PDE7A: variants seen among roughly 807,000 people sequenced by gnomAD.
PDE7A encodes high affinity 3',5'-cyclic-AMP phosphodiesterase 7A.
A neutral mutation model predicts 64.3 loss-of-function variants in PDE7A; 39 were observed. The observed-to-expected ratio is 0.61, with a 90% CI of 0.47 to 0.79. The LOEUF is 0.79. PDE7A is among the 30% of genes least tolerant of loss of function. PDE7A has a pLI of 0.00. For missense variants in PDE7A, 470 were observed against 582.8 expected, an observed-to-expected ratio of 0.81 and a Z score of 1.99; for synonymous variants, 203 against 206.8, an observed-to-expected ratio of 0.98 and a Z score of 0.16.
chr8:65,733,297 G>T (rs1398784021), intron 7 of PDE7A, among the ~76,000 whole-genome samples: 1 of 152,286 alleles, frequency 6.6e-6, no homozygotes, highest in Non-Finnish European at 1.5e-5. Flanking sequence ...GAGGGAGATG[G>T]GAGTGCAGAA....
intron 1 of PDE7A, among the ~76,000 whole-genome samples, chr8:65,823,475 G>A (rs1312908603): frequency 6.6e-6 from 1 of 151,838 alleles, no homozygotes; most frequent in Non-Finnish European, 1.5e-5. Flanking sequence ...TGTCTAAATG[G>A]GTCTTATTTT....
At chr8:65,725,698 T>A (rs373884157) in intron 9 of PDE7A, 1 of 151,488 alleles carries the variant, frequency 6.6e-6, no homozygotes, top group Admixed American at 6.6e-5. Flanking sequence ...CAATATTGAA[T>A]GTTAAAACAA....
chr8:65,737,079 G>A (rs1015791843), intron 6 of PDE7A, among the ~76,000 whole-genome samples: 1 of 151,864 alleles, frequency 6.6e-6, no homozygotes, highest in African/African-American at 2.4e-5. Context: ...CTGCATTCCA[G>A]CCTTAGCAAT....
intron 1 of PDE7A, among the ~76,000 whole-genome samples, chr8:65,801,169 C>T (rs906399309): frequency 1.2e-4 from 19 of 152,036 alleles, no homozygotes; most frequent in African/African-American, 2.9e-4. Context: ...AAAAAACACA[C>T]CAAAACAAAA....
chr8:65,782,320 T>C (rs1166870704), intron 2 of PDE7A, among the ~76,000 whole-genome samples: 2 of 152,162 alleles, frequency 1.3e-5, no homozygotes, highest in Admixed American at 6.5e-5. Flanking sequence ...CCTTGCGGAA[T>C]TGACTAATAT....
Position 65,758,656 on chromosome 8 carries a change from T to A in PDE7A, c.284-10853A>T, listed in dbSNP as rs116172334. ...TTTCAATTGCCATTTCTACTTATCTTTCAAACTATACTCTGAAGAGGTTAT... is the reference window on the plus strand; with the variant it reads ...TTTCAATTGCCATTTCTACTTATCTATCAAACTATACTCTGAAGAGGTTAT... On this transcript the variant is annotated intron_variant, in intron 3 of 12. Transcript: ENST00000401827. Among the ~76,000 whole-genome samples the A allele has an allele frequency of 6.2e-3, 939 of 152,342 alleles. 9 individuals carry two copies. Among genetic ancestry groups the A allele is most frequent in the African/African-American group, 0.022 (906 of 41,560 alleles).
At position 65,838,781 on chromosome 8, in the gene PDE7A, C is replaced by G. The variant is rs956430065; in HGVS notation, c.138+2590G>C. 4.6e-5 allele frequency: 7 copies of G among 152,196 alleles called. No individual in the cohort carries two copies. The South Asian group carries it at 1.2e-3, about 27-fold the overall frequency. 9.4% of individuals were successfully genotyped at this position (152,196 alleles called of 1,614,324 possible). Reference sequence around the variant, plus strand: ...GGCTTTTGGTGTGTCTGCTGTCAACCTTTGCTGCTGTCAGTGTGAACTGAC... The same window carrying G: ...GGCTTTTGGTGTGTCTGCTGTCAACGTTTGCTGCTGTCAGTGTGAACTGAC... On this transcript the variant is annotated intron_variant, in intron 1 of 12. Coordinates refer to ENST00000401827, the MANE Select transcript of PDE7A (RefSeq NM_001242318.3).
intron 1 of PDE7A, among the ~76,000 whole-genome samples, chr8:65,825,359 G>A (rs1297971419): frequency 1.3e-5 from 2 of 152,036 alleles, no homozygotes; most frequent in Non-Finnish European, 2.9e-5. Context: ...CTATTCCAAT[G>A]GACAGGGCTC....
chr8:65,787,112 T>C (rs995109117), intron 1 of PDE7A, among the ~76,000 whole-genome samples: 3 of 152,256 alleles, frequency 2.0e-5, no homozygotes, highest in Non-Finnish European at 2.9e-5. Flanking sequence ...GTCATTGTTT[T>C]TATTTTGTTC....
intron 3 of PDE7A, among the ~76,000 whole-genome samples, chr8:65,755,166 G>A (rs1198397654): frequency 1.3e-5 from 2 of 149,672 alleles, no homozygotes; most frequent in Admixed American, 1.3e-4. Context: ...GACTATAGGT[G>A]CATGCCACCA....
intron 1 of PDE7A, among the ~76,000 whole-genome samples, chr8:65,791,258 T>C (rs922606937): frequency 3.3e-5 from 5 of 152,228 alleles, no homozygotes; most frequent in African/African-American, 1.2e-4. Flanking sequence ...GTGCTTGAAG[T>C]TCAGAGCCTA....
At chr8:65,835,528 C>T (rs1021043819) in intron 1 of PDE7A, among the ~76,000 whole-genome samples, 43 of 152,146 alleles carry the variant, frequency 2.8e-4, no homozygotes, top group African/African-American at 9.2e-4. Flanking sequence ...TCTTCTTTTC[C>T]CAAACTTGCC....
Position 65,747,659 on chromosome 8 carries a change from T to C in PDE7A, c.428A>G (p.Gln143Arg). 3 of 1,604,656 alleles carry C rather than the reference T, an allele frequency of 1.9e-6. No individual in the cohort carries two copies. The highest frequency in any genetic ancestry group is 2.6e-6 in the Non-Finnish European group (3 of 1,174,142). ...TAAAAAAACTATACACACCTTGGCT[T>C]GTCCATTATAATCATCATCTAAAAT... ...LNILDDDYNG[Q>R]AKCMLEKVGN... Residue 143 changes from glutamine (Q) to arginine (R), a missense_variant, in exon 4 of 13, where the codon CAA becomes CGA. Gln to Arg is a conservative substitution (Grantham distance 43). Transcript: ENST00000401827.
chr8:65,754,635 G>A (rs955768550), intron 3 of PDE7A, among the ~76,000 whole-genome samples: 37 of 147,530 alleles, frequency 2.5e-4, no homozygotes, highest in African/African-American at 8.2e-4. Context: ...ATGCCCAGCC[G>A]TTATTTGTCT....
intron 1 of PDE7A, chr8:65,789,085 A>G: frequency 7.1e-7 from 1 of 1,399,494 alleles, no homozygotes; most frequent in Non-Finnish European, 9.4e-7. Context: ...GCTGCCTTCC[A>G]ACAGTGATCA....
intron 12 of PDE7A, among the ~76,000 whole-genome samples, chr8:65,721,340 A>G (rs915864834): frequency 2.0e-5 from 3 of 152,242 alleles, no homozygotes; most frequent in Admixed American, 2.0e-4. Flanking sequence ...TGACTTGTAC[A>G]TACTGCCCCT....
chr8:65,751,822 G>C (rs1807982897), intron 3 of PDE7A, among the ~76,000 whole-genome samples: 1 of 152,060 alleles, frequency 6.6e-6, no homozygotes, highest in South Asian at 2.1e-4. Context: ...TAAATATATA[G>C]AAACATATTA....
At chr8:65,732,526 A>AATCT (rs573315651) in intron 7 of PDE7A, among the ~76,000 whole-genome samples, 1 of 152,048 alleles carries the variant, frequency 6.6e-6, no homozygotes, top group Non-Finnish European at 1.5e-5. Context: ...GCATCTATCT[A>AATCT]ATCTATCTAT....
chr8:65,800,900 C>T (rs1019143842), intron 1 of PDE7A, among the ~76,000 whole-genome samples: 6 of 152,162 alleles, frequency 3.9e-5, no homozygotes, highest in African/African-American at 9.7e-5. Flanking sequence ...TCCTTTAGTG[C>T]CTTCAGAAGA....
Sources: gnomAD v4.1 joint callset for allele counts (sites outside exome capture counted in the v4.1 genomes callset) on GRCh38, gnomAD v4.1.1 for gene constraint, MANE v1.5 for transcripts, NCBI Gene and HGNC (gene_info 2026-07-23, HGNC 2026-07-21) for gene names.